Variants in ABCE1 observed in about 807,000 individuals in gnomAD.
ABCE1 encodes ATP binding cassette subfamily E member 1, also known as ATP-binding cassette sub-family E member 1.
ABCE1 carries 22 observed loss-of-function variants against 83.4 expected under a neutral mutation model. The ratio of observed to expected loss-of-function variants is 0.26; its 90% CI spans 0.19 to 0.38. The LOEUF (loss-of-function observed/expected upper bound fraction) is 0.38. Ranked by LOEUF, ABCE1 falls within the 10% of genes least tolerant of loss-of-function variation. ABCE1 has a pLI of 1.00. For missense variants in ABCE1, 330 were observed against 721.9 expected, an observed-to-expected ratio of 0.46 and a Z score of 6.22; for synonymous variants, 204 against 233.7, an observed-to-expected ratio of 0.87 and a Z score of 1.16.
chr4:145,111,038 T>G lies in ABCE1; in HGVS notation c.684T>G (p.Ala228=), dbSNP rs1247188362. The change falls in exon 8 of 18, where the codon GCT becomes GCG. Residue 228 remains alanine, a synonymous_variant. Transcript: ENST00000296577. The stretch of plus-strand genomic sequence containing the variant: ...GAGAGTTGCAGAGATTTGCTTGTGC[T>G]GTCGTTTGCATACAGAAAGCTGATA... ...SGGELQRFAC[A]VVCIQKADIF... The G allele has an allele frequency of 6.2e-7, 1 of 1,612,354 alleles. No individual in the cohort carries two copies. The highest frequency in any genetic ancestry group is 8.5e-7 in the Non-Finnish European group (1 of 1,179,370).
At position 145,104,406 on chromosome 4, in the gene ABCE1, C is replaced by T; in HGVS notation, c.-7C>T. On this transcript the variant is annotated 5_prime_UTR_variant, in exon 2 of 18. Transcript: ENST00000296577. ...CATAGAAGAGCTGGATATTCTTTCG[C>T]CCAGTTATGGCAGACAAGTTAACGA... 3 of 1,579,572 alleles carry T rather than the reference C, an allele frequency of 1.9e-6. No individual in the cohort carries two copies. Among genetic ancestry groups the T allele is most frequent in the South Asian group, 2.3e-5 (2 of 86,438 alleles).
intron 2 of ABCE1, among the ~76,000 whole-genome samples, chr4:145,105,192 G>C (rs1749265278): frequency 1.3e-5 from 2 of 151,936 alleles, no homozygotes; most frequent in South Asian, 4.1e-4. Context: ...CCTTTTTGGA[G>C]TTTTACTGAT....
chr4:145,114,733 T>A (rs1433037687), intron 9 of ABCE1, among the ~76,000 whole-genome samples: 1 of 152,050 alleles, frequency 6.6e-6, no homozygotes, highest in Non-Finnish European at 1.5e-5. Flanking sequence ...GAGAGGACAG[T>A]AACTTTAATT....
chr4:145,101,714 G>C (rs1290513921), intron 1 of ABCE1, among the ~76,000 whole-genome samples: 1 of 152,190 alleles, frequency 6.6e-6, no homozygotes, highest in African/African-American at 2.4e-5. Flanking sequence ...AGGTGGAAAA[G>C]AAAATGACTT....
chr4:145,116,431 TAAACA>T (rs1560962268), intron 9 of ABCE1, among the ~76,000 whole-genome samples: 2 of 151,968 alleles, frequency 1.3e-5, no homozygotes, highest in Non-Finnish European at 2.9e-5. Context: ...TTTAACAGTT[TAAACA>T]AAATATCAGT....
intron 13 of ABCE1, chr4:145,121,669 C>G (rs756987874): frequency 1.8e-5 from 5 of 282,624 alleles, no homozygotes; most frequent in Non-Finnish European, 3.4e-5. Context: ...GTCAGGAGAT[C>G]GAGACCATCC....
At chr4:145,099,878 C>T (rs1000123345) in intron 1 of ABCE1, among the ~76,000 whole-genome samples, 2 of 152,134 alleles carry the variant, frequency 1.3e-5, no homozygotes, top group African/African-American at 4.8e-5. Context: ...CACTGAGGGT[C>T]ATTGTTCTAG....
intron 12 of ABCE1, 32 bp downstream of exon 12, chr4:145,121,265 T>G: frequency 6.2e-7 from 1 of 1,612,896 alleles, no homozygotes; most frequent in Non-Finnish European, 8.5e-7. Flanking sequence ...CTTTTTACTC[T>G]GTTTTACACA....
intron 1 of ABCE1, among the ~76,000 whole-genome samples, chr4:145,100,618 T>C (rs1749122610): frequency 1.3e-5 from 2 of 152,236 alleles, no homozygotes; most frequent in Admixed American, 6.5e-5. Context: ...TTTGTGACAA[T>C]TCAAGCCATC....
At chr4:145,112,496 G>A (rs1749507913) in intron 9 of ABCE1, among the ~76,000 whole-genome samples, 168 bp downstream of exon 9, 3 of 152,134 alleles carry the variant, frequency 2.0e-5, no homozygotes, top group Admixed American at 2.0e-4. Flanking sequence ...GGTTCTCAAT[G>A]CAAGATTCAT....
chr4:145,114,817 G>A lies in ABCE1; in HGVS notation c.801-2476G>A, dbSNP rs866704674. Among the ~76,000 whole-genome samples, 7 of 152,064 alleles carry A rather than the reference G, an allele frequency of 4.6e-5. 1 individual carries two copies. The highest frequency in any genetic ancestry group is 9.6e-5 in the African/African-American group (4 of 41,528). On this transcript the variant is annotated intron_variant, in intron 9 of 17. Coordinates refer to ENST00000296577, the MANE Select transcript of ABCE1 (RefSeq NM_002940.3). Reference sequence around the variant, plus strand: ...AATTTTTAAGACATTTCACAAGTGGGCTGGTCTTATTTACAGGTATAAAGT... The same window carrying A: ...AATTTTTAAGACATTTCACAAGTGGACTGGTCTTATTTACAGGTATAAAGT...
intron 3 of ABCE1, among the ~76,000 whole-genome samples, chr4:145,107,498 A>ACCT (rs1216755511): frequency 6.6e-6 from 1 of 152,096 alleles, no homozygotes; most frequent in Admixed American, 6.6e-5. Context: ...CAAACAAAAA[A>ACCT]CCTCAAGTTC....
chr4:145,127,552 C>G lies in ABCE1; in HGVS notation c.1779C>G (p.Asn593Lys). 2.5e-6 allele frequency: 4 copies of G among 1,576,598 alleles called. No individual in the cohort carries two copies. Among genetic ancestry groups the G allele is most frequent in the Non-Finnish European group, 3.4e-6 (4 of 1,168,218 alleles). Reference sequence around the variant, plus strand: ...ATGTAGAACAAAAGAAGAGTGGAAACTACTTTTTCTTGGATGATTAGACTG... The same window carrying G: ...ATGTAGAACAAAAGAAGAGTGGAAAGTACTTTTTCTTGGATGATTAGACTG... Reference protein sequence around the residue: ...IKDVEQKKSGNYFFLDD With the variant: ...IKDVEQKKSGKYFFLDD Residue 593 changes from asparagine (N) to lysine (K), a missense_variant, in exon 18 of 18, where the codon AAC becomes AAG. Transcript: ENST00000296577.
chr4:145,120,526 A>G (rs35875923), intron 11 of ABCE1, among the ~76,000 whole-genome samples: 8 of 152,058 alleles, frequency 5.3e-5, no homozygotes, highest in African/African-American at 1.9e-4. Flanking sequence ...ATACACTTCA[A>G]TGTGGAACTT....
chr4:145,100,049 T>C (rs1378315), intron 1 of ABCE1, among the ~76,000 whole-genome samples: 41,602 of 152,230 alleles, frequency 0.27, 7,161 homozygotes, highest in Non-Finnish European at 0.38. Flanking sequence ...TTATTGAAAC[T>C]GATACAGAAA....
At position 145,125,121 on chromosome 4, in the gene ABCE1, T is replaced by G. The variant is rs1189703032; in HGVS notation, c.1752+20T>G. ...ATTAAGGTATGTAGAAAAGTTGTCT[T>G]AAATCATGGATTACTGATCTCAGTA... On this transcript the variant is annotated intron_variant, in intron 17 of 17. Transcript: ENST00000296577. 4.0e-6 allele frequency: 6 copies of G among 1,495,070 alleles called. No individual in the cohort carries two copies. The highest frequency in any genetic ancestry group is 5.6e-6 in the Non-Finnish European group (6 of 1,073,966). 92.6% of individuals were successfully genotyped at this position (1,495,070 alleles called of 1,614,324 possible).
rs1329192060 is a variant in ABCE1, at chr4:145,125,055, A to T, written c.1706A>T (p.Asp569Val). Residue 569 changes from aspartate to valine, a missense_variant, in exon 17 of 18, where the codon GAT (aspartate) becomes GTT (valine). By Grantham distance (152) the Asp-to-Val change is radical. Coordinates refer to ENST00000296577, the MANE Select transcript of ABCE1 (RefSeq NM_002940.3). ...CAGCTTGAAATTACATTCAGAAGAGATCCAAACAACTATAGGCCACGAATA... is the reference window on the plus strand; with the variant it reads ...CAGCTTGAAATTACATTCAGAAGAGTTCCAAACAACTATAGGCCACGAATA... ...LSQLEITFRRDPNNYRPRINK... is the reference protein window; with the variant it reads ...LSQLEITFRRVPNNYRPRINK... 1 of 1,613,546 alleles carries T rather than the reference A, an allele frequency of 6.2e-7. No homozygotes were observed. Among genetic ancestry groups the T allele is most frequent in the Admixed American group, 1.7e-5 (1 of 60,016 alleles).
Position 145,108,025 on chromosome 4 carries a change from T to A in ABCE1, c.200T>A (p.Phe67Tyr). 6.2e-7 allele frequency: 1 copy of A among 1,613,184 alleles called. No homozygotes were observed. The highest frequency in any genetic ancestry group is 8.5e-7 in the Non-Finnish European group (1 of 1,179,586). ...GCGICIKKCP[F>Y]GALSIVNLPS... ...TACTTTAAATAACAGAAATGCCCCT[T>A]TGGCGCCTTATCAATTGTCAATCTA... Residue 67 changes from phenylalanine (F) to tyrosine (Y), a missense_variant, in exon 4 of 18, where the codon TTT (phenylalanine) becomes TAT (tyrosine). Phe to Tyr is a conservative substitution (Grantham distance 22). Coordinates refer to ENST00000296577, the MANE Select transcript of ABCE1 (RefSeq NM_002940.3).
At chr4:145,117,534 T>A in intron 10 of ABCE1, 120 bp downstream of exon 10, 2 of 880,426 alleles carry the variant, frequency 2.3e-6, no homozygotes, top group East Asian at 2.7e-5. Context: ...CTCTAGTTCC[T>A]TGGAATTTAA....
Sources: gnomAD v4.1 joint callset for allele counts (sites outside exome capture counted in the v4.1 genomes callset) on GRCh38, gnomAD v4.1.1 for gene constraint, MANE v1.5 for transcripts, NCBI Gene and HGNC (gene_info 2026-07-23, HGNC 2026-07-21) for gene names.